Variants in COLQ observed in about 807,000 individuals in gnomAD.
COLQ encodes the protein collagen like tail subunit of asymmetric acetylcholinesterase, also known as acetylcholinesterase collagenic tail peptide.
In COLQ, 48 loss-of-function variants were observed where a neutral mutation model predicts 69.0. The ratio of observed to expected loss-of-function variants is 0.70; its 90% CI spans 0.55 to 0.88. The LOEUF (loss-of-function observed/expected upper bound fraction) is 0.88, where lower values mean the gene tolerates loss of function less well. Among genes scored for constraint, COLQ ranks in the 40% least tolerant of loss-of-function variants. COLQ has a pLI of 0.00. For missense variants in COLQ, 618 were observed against 594.6 expected (o/e 1.04, Z -0.41); for synonymous variants, 217 against 211.2 (o/e 1.03, Z -0.24).
intron 1 of COLQ, among the ~76,000 whole-genome samples, chr3:15,491,249 T>C (rs2062661501): frequency 6.6e-6 from 1 of 152,232 alleles, no homozygotes; most frequent in Non-Finnish European, 1.5e-5. Flanking sequence ...AAAATGTTCA[T>C]AGCAGCAATA....
In COLQ at chr3:15,473,843, G is replaced by A. The variant is rs2062330920; in HGVS notation, c.636+157C>T. Among the ~76,000 whole-genome samples the A allele has an allele frequency of 6.6e-6, 1 of 152,146 alleles. No individual in the cohort carries two copies. The highest frequency in any genetic ancestry group is 2.1e-4 in the South Asian group (1 of 4,826). On this transcript the variant is annotated intron_variant, in intron 10 of 16. Transcript: ENST00000383788. The surrounding 1 kb of genome is among the most constrained non-coding windows in gnomAD (Gnocchi z 4.0). ...GACCATCCTGCCACCCTCTCCCCAG[G>A]GTGAAAAGCAACTTGCTTCCCGTCC...
In COLQ at chr3:15,497,664, T is replaced by C. The variant is rs540130952; in HGVS notation, c.107-8027A>G. On this transcript the variant is annotated intron_variant, in intron 1 of 16. Transcript: ENST00000383788. ...CAGCTTTTTACTTCCTCCTCCTCTT[T>C]TGGGGCCTTTCCCTGCCTGTGGGAA... is the stretch of plus-strand genomic sequence containing the variant. Among the ~76,000 whole-genome samples the C allele has an allele frequency of 8.5e-5, 13 of 152,140 alleles. No homozygotes were observed. The South Asian group carries it at 1.0e-3, about 12-fold the overall frequency.
At chr3:15,496,711 C>T (rs1407290147) in intron 1 of COLQ, among the ~76,000 whole-genome samples, 1 of 152,202 alleles carries the variant, frequency 6.6e-6, no homozygotes. Context: ...CAGTGCATTG[C>T]CAAATTATGG....
At chr3:15,459,791 TTTA>T (rs3067773) in intron 12 of COLQ, among the ~76,000 whole-genome samples, 2,827 of 150,064 alleles carry the variant, frequency 0.019, 82 homozygotes, top group African/African-American at 0.063. Context: ...GCACCCATAT[TTTA>T]TTATTATTAT....
Position 15,479,245 on chromosome 3 carries a change from G to A in COLQ, c.366+93C>T, listed in dbSNP as rs887238501. ...ACCAAGGCAGAGTTAGCACATGTTT[G>A]GAAATCTCAACTAGGAAATTCTCAG... On this transcript the variant is annotated intron_variant, in intron 4 of 16. Transcript: ENST00000383788. 6.3e-5 allele frequency: 88 copies of A among 1,394,574 alleles called. No individual in the cohort carries two copies. In the Middle Eastern group the frequency reaches 7.0e-4, roughly 11 times the overall value. 86.4% of individuals were successfully genotyped at this position (1,394,574 alleles called of 1,614,324 possible).
chr3:15,500,007 A>G (rs2062810141), intron 1 of COLQ, among the ~76,000 whole-genome samples: 1 of 152,252 alleles, frequency 6.6e-6, no homozygotes, highest in African/African-American at 2.4e-5. Context: ...AGGTAAAAAA[A>G]GAAGAGTGGC....
At chr3:15,466,278 G>T in intron 12 of COLQ, 63 bp downstream of exon 12, 2 of 1,165,658 alleles carry the variant, frequency 1.7e-6, no homozygotes, top group Non-Finnish European at 2.6e-6. Flanking sequence ...ATCTCCTTGT[G>T]CCCTCTCTGG....
At chr3:15,505,484 A>C (rs909253123) in intron 1 of COLQ, among the ~76,000 whole-genome samples, 2 of 152,246 alleles carry the variant, frequency 1.3e-5, no homozygotes, top group African/African-American at 4.8e-5. Context: ...TATCTAAAGA[A>C]AGGCATCTGC....
At chr3:15,488,507 T>C (rs1210484981) in intron 2 of COLQ, among the ~76,000 whole-genome samples, 200 bp from the exon 3 acceptor site, 1 of 152,098 alleles carries the variant, frequency 6.6e-6, no homozygotes, top group East Asian at 1.9e-4. Context: ...ACCTGGCTTG[T>C]ATGGATTACA....
chr3:15,461,396 C>T (rs2062111981), intron 12 of COLQ, among the ~76,000 whole-genome samples: 1 of 152,110 alleles, frequency 6.6e-6, no homozygotes, highest in South Asian at 2.1e-4. Context: ...GCATCTGTTA[C>T]CCCTGCCTGT....
chr3:15,491,825 C>A (rs2062672425), intron 1 of COLQ, among the ~76,000 whole-genome samples: 1 of 152,036 alleles, frequency 6.6e-6, no homozygotes, highest in African/African-American at 2.4e-5. Context: ...TTTGGGAGGC[C>A]AAGGTGGGCA....
chr3:15,514,972 AT>A (rs1385963374), intron 1 of COLQ, among the ~76,000 whole-genome samples: 3 of 152,230 alleles, frequency 2.0e-5, no homozygotes, highest in African/African-American at 7.2e-5. Context: ...CAATTTTTAA[AT>A]GTTAGCCACT....
chr3:15,503,565 C>T (rs1377428288), intron 1 of COLQ, among the ~76,000 whole-genome samples: 2 of 152,162 alleles, frequency 1.3e-5, no homozygotes, highest in African/African-American at 4.8e-5. Flanking sequence ...CCTGTTACAG[C>T]AGATAGCATT....
chr3:15,460,279 T>G (rs2062092276), intron 12 of COLQ, among the ~76,000 whole-genome samples: 1 of 152,276 alleles, frequency 6.6e-6, no homozygotes, highest in South Asian at 2.1e-4. Context: ...GAATGCCGAC[T>G]AATTGGAGAG....
chr3:15,477,739 C>T (rs1417844042), intron 5 of COLQ, among the ~76,000 whole-genome samples: 1 of 152,182 alleles, frequency 6.6e-6, no homozygotes, highest in Non-Finnish European at 1.5e-5. Context: ...AGTCCAGCTC[C>T]CTTACCTTTG....
At chr3:15,521,018 A>C (rs2063129102) in intron 1 of COLQ, among the ~76,000 whole-genome samples, 1 of 148,734 alleles carries the variant, frequency 6.7e-6, no homozygotes, top group Non-Finnish European at 1.5e-5. Flanking sequence ...TTCACCCCCC[A>C]CCCCACCGGC....
At chr3:15,475,112 G>T (rs968944674) in intron 7 of COLQ, 161 bp from the exon 8 acceptor site, 2 of 814,684 alleles carry the variant, frequency 2.5e-6, no homozygotes, top group Non-Finnish European at 2.1e-6. Context: ...TGTCCCAGAG[G>T]GTTGTGGTTA....
chr3:15,480,872 T>C (rs920844482), intron 3 of COLQ, among the ~76,000 whole-genome samples: 2 of 152,252 alleles, frequency 1.3e-5, no homozygotes, highest in African/African-American at 4.8e-5. Context: ...ATGATCGCCA[T>C]TCTAACTGGT....
intron 12 of COLQ, among the ~76,000 whole-genome samples, chr3:15,463,981 C>T (rs966907855): frequency 2.0e-5 from 3 of 152,180 alleles, no homozygotes; most frequent in African/African-American, 7.2e-5. Flanking sequence ...GTATTTCCTT[C>T]CTCCTCTCCC....
Sources: gnomAD v4.1 joint callset for allele counts (sites outside exome capture counted in the v4.1 genomes callset) on GRCh38, gnomAD v4.1.1 for gene constraint, Gnocchi (gnomAD v3.1) non-coding constraint, MANE v1.5 for transcripts, NCBI Gene and HGNC (gene_info 2026-07-23, HGNC 2026-07-21) for gene names.